The following WDPCP variants were observed in gnomAD, a reference collection of about 807,000 sequenced individuals.
WDPCP encodes WD repeat containing planar cell polarity effector.
WDPCP carries 71 observed loss-of-function variants against 93.1 expected under a neutral mutation model. The observed-to-expected ratio is 0.76, with a 90% CI of 0.63 to 0.93. The LOEUF is 0.93. Ranked by LOEUF, WDPCP falls within the 40% of genes least tolerant of loss-of-function variation. WDPCP has a pLI of 0.00. For missense variants in WDPCP, 844 were observed against 887.4 expected (o/e 0.95, Z 0.62); for synonymous variants, 315 against 315.0 (o/e 1.00, Z 0.00).
chr2:63,605,890 A>G, intron 3 of WDPCP: 5 of 1,424,022 alleles, frequency 3.5e-6, no homozygotes, highest in Non-Finnish European at 5.0e-6. Context: ...TTCATGTGTC[A>G]GTTGTGTAAA....
chr2:63,454,904 T>C (rs990842482), intron 6 of WDPCP, among the ~76,000 whole-genome samples: 1 of 152,086 alleles, frequency 6.6e-6, no homozygotes, highest in African/African-American at 2.4e-5. Flanking sequence ...TGAAAAAATA[T>C]AGTCAAATTG....
chr2:63,437,542 T>A lies in WDPCP; in HGVS notation c.512A>T (p.Asp171Val), dbSNP rs1396072178. Residue 171 changes from aspartate to valine, a missense_variant, in exon 8 of 18, where the codon GAC (aspartate) becomes GTC (valine). Coordinates refer to ENST00000272321, the MANE Select transcript of WDPCP (RefSeq NM_015910.7). ...SDTISDALLT[D>V]SFIILSFLAQ... ...CAAAAATGATAAGATGATAAAACTG[T>A]CTGTGAGAAGAGCTAAAAAACATAA... 6.3e-7 allele frequency: 1 copy of A among 1,589,654 alleles called. No homozygotes were observed. Among genetic ancestry groups the A allele is most frequent in the African/African-American group, 1.4e-5 (1 of 73,828 alleles).
At chr2:63,249,068 C>G (rs1388013753) in intron 14 of WDPCP, among the ~76,000 whole-genome samples, 2 of 152,026 alleles carry the variant, frequency 1.3e-5, no homozygotes, top group Non-Finnish European at 2.9e-5. Context: ...TTTGAATAGG[C>G]CATGTTTTCC....
chr2:63,479,583 A>T (rs1700151539), intron 6 of WDPCP, among the ~76,000 whole-genome samples: 1 of 152,194 alleles, frequency 6.6e-6, no homozygotes, highest in Non-Finnish European at 1.5e-5. Context: ...AAAAACAAAA[A>T]TCACATGATC....
chr2:63,706,206 G>A (rs910228309), intron 2 of WDPCP, among the ~76,000 whole-genome samples: 17 of 152,258 alleles, frequency 1.1e-4, no homozygotes, highest in African/African-American at 4.1e-4. Context: ...CACGTGAGAT[G>A]GGTTTCCTGA....
intron 12 of WDPCP, among the ~76,000 whole-genome samples, chr2:63,354,306 G>A (rs1252688023): frequency 6.6e-6 from 1 of 152,154 alleles, no homozygotes; most frequent in Non-Finnish European, 1.5e-5. Flanking sequence ...GCCTCCAGGA[G>A]ACAAGCATAC....
chr2:63,249,221 T>C (rs1456484589), intron 14 of WDPCP, among the ~76,000 whole-genome samples: 4 of 152,188 alleles, frequency 2.6e-5, no homozygotes, highest in Non-Finnish European at 4.4e-5. Context: ...GGAATTGGCC[T>C]GAGGTAAAAG....
At chr2:63,403,810 G>C (rs780061492) in intron 10 of WDPCP, 24 of 508,044 alleles carry the variant, frequency 4.7e-5, no homozygotes, top group Admixed American at 6.6e-5. Context: ...GTAAAAATTA[G>C]GGCTTTTGAA....
intron 14 of WDPCP, among the ~76,000 whole-genome samples, chr2:63,214,390 G>GATGTAGAA: frequency 6.6e-6 from 1 of 152,302 alleles, no homozygotes; most frequent in South Asian, 2.1e-4. Context: ...TATCTCAATA[G>GATGTAGAA]ATGTAGAAAA....
chr2:63,829,364 T>C (rs62136360), upstream of WDPCP, among the ~76,000 whole-genome samples: 1,216 of 152,192 alleles, frequency 8.0e-3, 12 homozygotes, highest in South Asian at 0.028. Context: ...TCAAACTGTT[T>C]TTAGCTCTTC....
intron 1 of WDPCP, among the ~76,000 whole-genome samples, chr2:63,578,206 T>G (rs746752858): frequency 6.6e-6 from 1 of 152,214 alleles, no homozygotes; most frequent in Non-Finnish European, 1.5e-5. Context: ...GGTATCAAAT[T>G]ACTGGAAATC....
intron 1 of WDPCP, among the ~76,000 whole-genome samples, chr2:63,515,802 T>G (rs1702513343): frequency 6.6e-6 from 1 of 152,138 alleles, no homozygotes; most frequent in South Asian, 2.1e-4. Flanking sequence ...GGCAGATCAC[T>G]TGAGGCCAGG....
intron 9 of WDPCP, among the ~76,000 whole-genome samples, chr2:63,412,456 C>A (rs180835861): frequency 3.1e-4 from 47 of 152,230 alleles, no homozygotes; most frequent in Admixed American, 7.2e-4. Context: ...AGTATTCCCT[C>A]TGAAAACTGG....
chr2:63,222,591 T>C (rs1282692233), intron 14 of WDPCP, among the ~76,000 whole-genome samples: 1 of 152,186 alleles, frequency 6.6e-6, no homozygotes, highest in Non-Finnish European at 1.5e-5. Flanking sequence ...ATAGAGCAGA[T>C]GGCACATCTA....
At chr2:63,436,693 A>G (rs1251344440) in intron 8 of WDPCP, among the ~76,000 whole-genome samples, 1 of 152,098 alleles carries the variant, frequency 6.6e-6, no homozygotes, top group East Asian at 1.9e-4. Flanking sequence ...TCTTGCAAAC[A>G]CAAGTCACTG....
At chr2:63,477,990 A>G (rs1426687894) in intron 6 of WDPCP, 1 of 152,154 alleles carries the variant, frequency 6.6e-6, no homozygotes, top group African/African-American at 2.4e-5. Flanking sequence ...TTCCAGCTCA[A>G]CTTTGTAACA....
At chr2:63,494,287 T>TGATGACGAC (rs1553411029) in intron 1 of WDPCP, among the ~76,000 whole-genome samples, 90 of 150,454 alleles carry the variant, frequency 6.0e-4, no homozygotes, top group African/African-American at 1.8e-3. Flanking sequence ...ATGATGATGA[T>TGATGACGAC]GACGACGACG....
At chr2:63,728,871 C>T (rs1669523667) in intron 2 of WDPCP, among the ~76,000 whole-genome samples, 1 of 152,192 alleles carries the variant, frequency 6.6e-6, no homozygotes, top group South Asian at 2.1e-4. Context: ...TTAAAATAAA[C>T]TCATTCTTCA....
At chr2:63,785,726 C>T (rs4671070) in intron 2 of WDPCP, among the ~76,000 whole-genome samples, 112,482 of 152,042 alleles carry the variant, frequency 0.74, 42,048 homozygotes, top group East Asian at 0.91. Flanking sequence ...CTTAGATTCA[C>T]TTTCTGTCTC....
Sources: gnomAD v4.1 joint callset for allele counts (sites outside exome capture counted in the v4.1 genomes callset) on GRCh38, gnomAD v4.1.1 for gene constraint, MANE v1.5 for transcripts, NCBI Gene and HGNC (gene_info 2026-07-23, HGNC 2026-07-21) for gene names.